Variants in CD9 observed in about 807,000 individuals in gnomAD.
The protein encoded by CD9 is CD9 antigen.
CD9 carries 10 observed loss-of-function variants against 31.4 expected under a neutral mutation model. The observed-to-expected ratio is 0.32, with a 90% CI of 0.20 to 0.54. The LOEUF is 0.54. Ranked by LOEUF, CD9 falls within the 20% of genes least tolerant of loss-of-function variation. The pLI, the probability that CD9 is intolerant of heterozygous loss-of-function variation, is 0.94. For synonymous variants in CD9, 113 were observed against 114.1 expected (o/e 0.99, Z 0.06); for missense variants, 259 against 300.1 (o/e 0.86, Z 1.01).
intron 2 of CD9, among the ~76,000 whole-genome samples, chr12:6,228,546 G>A (rs528492095): frequency 4.6e-4 from 62 of 133,906 alleles, no homozygotes; most frequent in South Asian, 3.1e-3. Flanking sequence ...GAGACAGAGC[G>A]GGACTCCATC....
At chr12:6,203,792 G>T (rs984378233) in intron 1 of CD9, among the ~76,000 whole-genome samples, 6 of 152,204 alleles carry the variant, frequency 3.9e-5, no homozygotes, top group Non-Finnish European at 8.8e-5. Context: ...GGGAACCAGG[G>T]TTAGGGCCAG....
chr12:6,222,576 G>A (rs1179686774), intron 1 of CD9, among the ~76,000 whole-genome samples: 3 of 151,366 alleles, frequency 2.0e-5, no homozygotes, highest in Non-Finnish European at 4.4e-5. Flanking sequence ...CTGGCCCTTG[G>A]CCAAGATAAG....
chr12:6,205,658 T>C (rs1023942489), intron 1 of CD9, among the ~76,000 whole-genome samples: 14 of 152,254 alleles, frequency 9.2e-5, no homozygotes, highest in Admixed American at 4.6e-4. Context: ...TGTTCAATTT[T>C]ATAAGGAGGC....
intron 1 of CD9, among the ~76,000 whole-genome samples, chr12:6,207,817 C>T (rs1946149410): frequency 6.6e-6 from 1 of 152,204 alleles, no homozygotes; most frequent in Admixed American, 6.5e-5. Context: ...TTGGGGACTA[C>T]TGACTTGGAG....
At chr12:6,222,565 C>T (rs1428413933) in intron 1 of CD9, among the ~76,000 whole-genome samples, 1 of 151,984 alleles carries the variant, frequency 6.6e-6, no homozygotes, top group Non-Finnish European at 1.5e-5. Context: ...CCGGGCTTGG[C>T]CTGGCCCTTG....
intron 1 of CD9, among the ~76,000 whole-genome samples, chr12:6,223,157 C>T (rs766258262): frequency 1.3e-5 from 2 of 152,120 alleles, no homozygotes; most frequent in African/African-American, 2.4e-5. Context: ...TTCAGGTTAA[C>T]GCTTTTATGT....
At chr12:6,201,181 C>T (rs926593344) in intron 1 of CD9, among the ~76,000 whole-genome samples, 7 of 152,202 alleles carry the variant, frequency 4.6e-5, no homozygotes, top group African/African-American at 1.4e-4. Flanking sequence ...ACCTCGCAGG[C>T]CCCCGTTCCC....
chr12:6,228,751 CCTT>C (rs1946402552), intron 2 of CD9, among the ~76,000 whole-genome samples: 1 of 152,176 alleles, frequency 6.6e-6, no homozygotes. Flanking sequence ...GGCCCAGAGC[CCTT>C]CTCCTAGCAG....
At chr12:6,205,558 G>A (rs1464687332) in intron 1 of CD9, among the ~76,000 whole-genome samples, 5 of 152,212 alleles carry the variant, frequency 3.3e-5, no homozygotes, top group Admixed American at 3.3e-4. Context: ...TCCAGGAGCA[G>A]TGTTGGATGA....
rs147301170 is a variant in CD9 at position 6,233,391 on chromosome 12, C to G, written c.274-21C>G. On this transcript the variant is annotated intron_variant, in intron 3 of 7. Transcript: ENST00000009180. Reference sequence around the variant, plus strand: ...TGGTTGGCTGGGACTGTTCTCACCCCGTCCCCTCGTTGCCTTCCAGTTCTT... The same window carrying G: ...TGGTTGGCTGGGACTGTTCTCACCCGGTCCCCTCGTTGCCTTCCAGTTCTT... The G allele has an allele frequency of 2.5e-6, 4 of 1,591,716 alleles. No individual in the cohort carries two copies. The East Asian group carries it at 8.9e-5, about 36-fold the overall frequency.
At chr12:6,200,241 C>T (rs942548591), upstream of CD9, 6 of 41,978 alleles carry the variant, frequency 1.4e-4, no homozygotes, top group African/African-American at 2.5e-3. Context: ...TGGGCGGGGG[C>T]GGGGGGCGGG....
At chr12:6,211,068 C>G (rs541186585) in intron 1 of CD9, among the ~76,000 whole-genome samples, 91 of 152,048 alleles carry the variant, frequency 6.0e-4, no homozygotes, top group Non-Finnish European at 1.2e-3. Flanking sequence ...GAACTCCTGA[C>G]CTTGTGATCC....
intron 6 of CD9, 48 bp downstream of exon 6, chr12:6,235,613 C>A: frequency 1.3e-6 from 2 of 1,550,596 alleles, no homozygotes; most frequent in Non-Finnish European, 1.7e-6. Flanking sequence ...TTGCTCTGGA[C>A]AAACCCTGCA....
intron 1 of CD9, among the ~76,000 whole-genome samples, chr12:6,205,384 G>A (rs770459011): frequency 6.6e-6 from 1 of 152,180 alleles, no homozygotes; most frequent in East Asian, 1.9e-4. Context: ...CCCACAGCAC[G>A]ATTCCAGACC....
intron 2 of CD9, among the ~76,000 whole-genome samples, chr12:6,231,584 C>T (rs536442631): frequency 1.3e-5 from 2 of 152,202 alleles, no homozygotes; most frequent in African/African-American, 2.4e-5. Flanking sequence ...GTGGGGTGGC[C>T]CCTCTGGGCA....
Position 6,237,760 on chromosome 12 carries a change from T to A in CD9, c.622-3T>A. ...GATCCTCATGTTTCTTCCTATCTCC[T>A]AGATATTTGGCATGATCTTCAGTAT... On this transcript the variant is annotated splice_region_variant and splice_polypyrimidine_tract_variant and intron_variant, in intron 7 of 7. Coordinates refer to ENST00000009180, the MANE Select transcript of CD9 (RefSeq NM_001769.4). 1 of 1,610,580 alleles carries A rather than the reference T, an allele frequency of 6.2e-7. No individual in the cohort carries two copies. The highest frequency in any genetic ancestry group is 1.1e-5 in the South Asian group (1 of 90,970).
chr12:6,225,649 G>A, intron 2 of CD9, 115 bp downstream of exon 2: 1 of 656,302 alleles, frequency 1.5e-6, no homozygotes, highest in South Asian at 1.8e-5. Context: ...TTTTGCTCTA[G>A]CCACGCTGGC....
Position 6,237,890 on chromosome 12 carries a change from G to GT in CD9, c.*65dup. ...TGAAGATTGGTGGGATTTTTTGTTT[G>GT]TTTGTTTTGTTTTGTTTGTTGTTTG... On this transcript the variant is annotated 3_prime_UTR_variant, in exon 8 of 8. Transcript: ENST00000009180. 3.2e-6 allele frequency: 4 copies of GT among 1,266,768 alleles called. No individual in the cohort carries two copies. The highest frequency in any genetic ancestry group is 2.5e-5 in the South Asian group (2 of 81,192). 78.5% of individuals were successfully genotyped at this position (1,266,768 alleles called of 1,614,324 possible).
In CD9 at chr12:6,238,084, G is replaced by A. The variant is rs776548202; in HGVS notation, c.*256G>A. ...TTTTTTCAGTTGTTTGTTTTTGCTT[G>A]TTATATTAAGCAGAAATCCTGCAAT... On this transcript the variant is annotated 3_prime_UTR_variant, in exon 8 of 8. Coordinates refer to ENST00000009180, the MANE Select transcript of CD9 (RefSeq NM_001769.4). 3 of 368,298 alleles carry A rather than the reference G, an allele frequency of 8.1e-6. No homozygotes were observed. The highest frequency in any genetic ancestry group is 1.5e-5 in the Non-Finnish European group (3 of 197,492). 22.8% of individuals were successfully genotyped at this position (368,298 alleles called of 1,614,324 possible).
Sources: allele counts gnomAD v4.1 joint callset (sites outside exome capture counted in the v4.1 genomes callset), GRCh38; gene constraint gnomAD v4.1.1; transcripts MANE v1.5; gene names NCBI Gene and HGNC (gene_info 2026-07-23, HGNC 2026-07-21).